Variants in ASB3 observed in about 807,000 individuals in gnomAD.
The protein encoded by ASB3 is ankyrin repeat and SOCS box protein 3.
Under a neutral mutation model 54.5 loss-of-function variants are expected in ASB3, and 41 were observed. The ratio of observed to expected loss-of-function variants is 0.75; its 90% CI spans 0.59 to 0.98. The LOEUF (loss-of-function observed/expected upper bound fraction) is 0.98, where lower values mean the gene tolerates loss of function less well. ASB3 is among the 50% of genes least tolerant of loss of function. The pLI, the probability that ASB3 is intolerant of heterozygous loss-of-function variation, is 0.00. For synonymous variants in ASB3, 266 were observed against 221.2 expected (o/e 1.20, Z -1.80); for missense variants, 733 against 620.0 (o/e 1.18, Z -1.94).
intron 3 of ASB3, among the ~76,000 whole-genome samples, chr2:53,744,419 CAT>C (rs1672116322): frequency 6.6e-6 from 1 of 151,038 alleles, no homozygotes; most frequent in African/African-American, 2.4e-5. Context: ...AAAAATAAAA[CAT>C]AGGTGTAATA....
In ASB3 at chr2:53,786,902, G is replaced by A; in HGVS notation, c.-95C>T. On this transcript the variant is annotated 5_prime_UTR_variant, in exon 1 of 10. Coordinates refer to ENST00000263634, the MANE Select transcript of ASB3 (RefSeq NM_016115.5). ...CTGCGTCCCAGAAGCCCCCGCTTTC[G>A]ATCCCCACCGCGATGCTGCAGCCGT... 3.0e-6 allele frequency: 1 copy of A among 338,866 alleles called. No individual in the cohort carries two copies. Among genetic ancestry groups the A allele is most frequent in the East Asian group, 4.9e-5 (1 of 20,498 alleles). The allele number at this position is 338,866 out of a possible 1,614,324, so 21.0% of individuals were successfully genotyped here. A position where few individuals can be genotyped will look rare whatever the true frequency, so the allele number is the denominator to read the frequency against.
intron 1 of ASB3, among the ~76,000 whole-genome samples, chr2:53,769,202 T>C (rs1441162822): frequency 6.6e-6 from 1 of 152,210 alleles, no homozygotes; most frequent in Non-Finnish European, 1.5e-5. Flanking sequence ...CTAAGCTAAA[T>C]TAAATGGCTT....
intron 3 of ASB3, among the ~76,000 whole-genome samples, chr2:53,743,884 T>C (rs1018972758): frequency 5.3e-5 from 8 of 151,092 alleles, no homozygotes; most frequent in African/African-American, 1.9e-4. Flanking sequence ...CGCCACTAAA[T>C]GTACAAAAAT....
chr2:53,738,343 A>T (rs1302196792), intron 3 of ASB3, among the ~76,000 whole-genome samples: 1 of 152,236 alleles, frequency 6.6e-6, no homozygotes, highest in Non-Finnish European at 1.5e-5. Context: ...TCAGTTAAGG[A>T]TGTATGAAGA....
intron 3 of ASB3, among the ~76,000 whole-genome samples, chr2:53,738,203 T>C (rs1671749728): frequency 6.6e-6 from 1 of 152,238 alleles, no homozygotes; most frequent in East Asian, 1.9e-4. Context: ...TTTACCATCC[T>C]ATTGATAAGC....
At chr2:53,671,095 C>T (rs564724727) in intron 9 of ASB3, among the ~76,000 whole-genome samples, 1 of 152,180 alleles carries the variant, frequency 6.6e-6, no homozygotes, top group Non-Finnish European at 1.5e-5. Flanking sequence ...AATAGATGTA[C>T]AGCTTGCAAG....
Position 53,700,388 on chromosome 2 carries a change from C to A in ASB3, c.1121G>T (p.Trp374Leu). Residue 374 changes from tryptophan (W) to leucine (L), a missense_variant, in exon 8 of 10, where the codon TGG becomes TTG. Transcript: ENST00000263634. ...ATTTACAAATTCATATATATGGTTCCATGGTCCCAATGAGCAACCTTTCCT... is the reference window on the plus strand; with the variant it reads ...ATTTACAAATTCATATATATGGTTCAATGGTCCCAATGAGCAACCTTTCCT... ...FLRKGCSLGP[W>L]NHIYEFVNHA... The A allele has an allele frequency of 6.2e-7, 1 of 1,614,086 alleles. No homozygotes were observed. The highest frequency in any genetic ancestry group is 8.5e-7 in the Non-Finnish European group (1 of 1,180,000).
chr2:53,744,196 G>A (rs182808843), intron 3 of ASB3, among the ~76,000 whole-genome samples: 15 of 150,898 alleles, frequency 9.9e-5, no homozygotes, highest in Middle Eastern at 3.4e-3. Context: ...CTAACACGGT[G>A]AAACCTCATC....
chr2:53,742,325 G>C (rs1396670867), intron 3 of ASB3, among the ~76,000 whole-genome samples: 1 of 152,070 alleles, frequency 6.6e-6, no homozygotes, highest in African/African-American at 2.4e-5. Flanking sequence ...GCAGCTAATT[G>C]AGCAAAAACT....
intron 1 of ASB3, among the ~76,000 whole-genome samples, chr2:53,782,206 G>A (rs1186760417): frequency 6.6e-6 from 1 of 151,872 alleles, no homozygotes; most frequent in African/African-American, 2.4e-5. Context: ...AAAAAACAAT[G>A]GATTACTCAC....
In ASB3 at chr2:53,709,180, G is replaced by T. The variant is rs182685422; in HGVS notation, c.980+5204C>A. ...TGAATGGTTTCATGGGCCAGGCCCA[G>T]TGCCCCACTGTCCTCCACAGCCTTG... On this transcript the variant is annotated intron_variant, in intron 7 of 9. Transcript: ENST00000263634. 3.3e-5 allele frequency among the ~76,000 whole-genome samples: 5 copies of T among 152,316 alleles called. No homozygotes were observed. The East Asian group carries it at 9.7e-4, about 29-fold the overall frequency.
intron 9 of ASB3, among the ~76,000 whole-genome samples, chr2:53,678,140 GGTGTGTGT>G (rs3034411): frequency 2.7e-5 from 4 of 150,804 alleles, no homozygotes; most frequent in African/African-American, 9.7e-5. Context: ...TTACCTTGCT[GGTGTGTGT>G]GTGTGTGTGT....
Position 53,735,287 on chromosome 2 carries a change from G to A in ASB3, c.356-5717C>T, listed in dbSNP as rs530632408. 4.6e-5 allele frequency among the ~76,000 whole-genome samples: 7 copies of A among 152,136 alleles called. No homozygotes were observed. In the South Asian group the frequency reaches 6.2e-4, roughly 14 times the overall value. Reference sequence around the variant, plus strand: ...TTACTGAGCAAATTCATCTCTAGGCGAATGATTGCTCCTAACTGAACTTTC... The same window carrying A: ...TTACTGAGCAAATTCATCTCTAGGCAAATGATTGCTCCTAACTGAACTTTC... On this transcript the variant is annotated intron_variant, in intron 3 of 9. Coordinates refer to ENST00000263634, the MANE Select transcript of ASB3 (RefSeq NM_016115.5).
intron 5 of ASB3, among the ~76,000 whole-genome samples, chr2:53,725,018 G>A (rs1397944170): frequency 1.3e-5 from 2 of 152,038 alleles, no homozygotes; most frequent in Non-Finnish European, 2.9e-5. Flanking sequence ...GCAAAGACAT[G>A]GAATCAACCT....
chr2:53,689,320 T>C (rs528936283), intron 9 of ASB3, among the ~76,000 whole-genome samples: 3 of 152,318 alleles, frequency 2.0e-5, no homozygotes, highest in African/African-American at 2.4e-5. Context: ...AAATTTTTCT[T>C]TGGCATAAAA....
At chr2:53,763,241 C>A (rs549727847) in intron 2 of ASB3, among the ~76,000 whole-genome samples, 1 of 152,272 alleles carries the variant, frequency 6.6e-6, no homozygotes, top group East Asian at 1.9e-4. Flanking sequence ...CACCTGTAGT[C>A]CCAGCTACTT....
At chr2:53,744,363 A>C (rs1672107594) in intron 3 of ASB3, among the ~76,000 whole-genome samples, 1 of 148,102 alleles carries the variant, frequency 6.8e-6, no homozygotes, top group South Asian at 2.1e-4. Context: ...CAGCCTGGGC[A>C]GACAGAGCGA....
At chr2:53,688,373 T>A (rs1242145233) in intron 9 of ASB3, among the ~76,000 whole-genome samples, 1 of 152,180 alleles carries the variant, frequency 6.6e-6, no homozygotes, top group Non-Finnish European at 1.5e-5. Flanking sequence ...GCTTTCAAAT[T>A]GCTTCAGCAA....
rs751807139 is a variant in ASB3, at chr2:53,693,871, T to G, written c.1369+13A>C. On this transcript the variant is annotated intron_variant, in intron 9 of 9. Transcript: ENST00000263634. ...AAAGTAGTGAAGTGTGTTTAAAAGT[T>G]ATTCTTTCTTACCAATATGTTGCTG... The G allele has an allele frequency of 3.0e-5, 48 of 1,611,736 alleles. No individual in the cohort carries two copies. The Admixed American group carries it at 7.7e-4, about 26-fold the overall frequency.
Sources: allele counts gnomAD v4.1 joint callset (sites outside exome capture counted in the v4.1 genomes callset), GRCh38; gene constraint gnomAD v4.1.1; transcripts MANE v1.5; gene names NCBI Gene and HGNC (gene_info 2026-07-23, HGNC 2026-07-21).